The following MYRIP variants were observed in gnomAD, a reference collection of about 807,000 sequenced individuals.
MYRIP encodes myosin VIIA and Rab interacting protein, also known as rab effector MyRIP.
Under a neutral mutation model 98.0 loss-of-function variants are expected in MYRIP, and 49 were observed. The observed-to-expected ratio is 0.50, with a 90% CI of 0.40 to 0.63. The LOEUF (loss-of-function observed/expected upper bound fraction) is 0.63. Ranked by LOEUF, MYRIP falls within the 30% of genes least tolerant of loss-of-function variation. The pLI is 0.00. For synonymous variants in MYRIP, 404 were observed against 409.5 expected, an observed-to-expected ratio of 0.99 and a Z score of 0.16; for missense variants, 1,004 against 1,058.2, an observed-to-expected ratio of 0.95 and a Z score of 0.71.
chr3:40,210,249 T>G (rs1951888006), intron 11 of MYRIP, among the ~76,000 whole-genome samples, 156 bp downstream of exon 11: 1 of 152,202 alleles, frequency 6.6e-6, no homozygotes, highest in African/African-American at 2.4e-5. Context: ...AGAACCCTTC[T>G]TAACTTGCAC....
chr3:40,161,705 C>T (rs1950399194), intron 4 of MYRIP, among the ~76,000 whole-genome samples: 1 of 152,240 alleles, frequency 6.6e-6, no homozygotes, highest in Non-Finnish European at 1.5e-5. Flanking sequence ...CTGCCATCCT[C>T]TTTCTCACCG....
chr3:39,939,587 G>C (rs1193738567), intron 2 of MYRIP, among the ~76,000 whole-genome samples: 1 of 152,068 alleles, frequency 6.6e-6, no homozygotes, highest in East Asian at 1.9e-4. Context: ...CAGAATTTTT[G>C]TATCTGCAGA....
intron 13 of MYRIP, among the ~76,000 whole-genome samples, chr3:40,249,762 A>G (rs921028397): frequency 2.6e-5 from 4 of 152,192 alleles, no homozygotes; most frequent in Admixed American, 2.0e-4. Flanking sequence ...GATGGACTTG[A>G]ACCAGGGACC....
chr3:40,019,368 T>C (rs949674269), intron 2 of MYRIP, among the ~76,000 whole-genome samples: 1 of 152,116 alleles, frequency 6.6e-6, no homozygotes, highest in African/African-American at 2.4e-5. Flanking sequence ...CAAGGTGTCT[T>C]CTCTCCCTAC....
intron 2 of MYRIP, among the ~76,000 whole-genome samples, chr3:39,958,487 T>C (rs1397287579): frequency 6.6e-6 from 1 of 152,192 alleles, no homozygotes; most frequent in Non-Finnish European, 1.5e-5. Context: ...TGCAGAAAGC[T>C]GAAACTGGAT....
chr3:39,942,392 T>C (rs552389928), intron 2 of MYRIP, among the ~76,000 whole-genome samples: 3 of 152,284 alleles, frequency 2.0e-5, no homozygotes, highest in East Asian at 3.9e-4. Context: ...TAGGAAAGCA[T>C]TGATCCTTTA....
chr3:40,004,973 T>C (rs1946601550), intron 2 of MYRIP, among the ~76,000 whole-genome samples: 1 of 152,100 alleles, frequency 6.6e-6, no homozygotes, highest in South Asian at 2.1e-4. Context: ...CAGTGTCCCA[T>C]CTTCATGTCC....
chr3:40,038,483 T>C (rs939576386), intron 2 of MYRIP, among the ~76,000 whole-genome samples: 12 of 151,986 alleles, frequency 7.9e-5, no homozygotes, highest in Non-Finnish European at 1.6e-4. Flanking sequence ...ATTTTTAAAA[T>C]TAATGAAATA....
At chr3:40,148,188 G>A (rs1950048367) in intron 3 of MYRIP, among the ~76,000 whole-genome samples, 1 of 152,030 alleles carries the variant, frequency 6.6e-6, no homozygotes, top group African/African-American at 2.4e-5. Flanking sequence ...TTTTTTCTGT[G>A]TGAAGCCACT....
intron 2 of MYRIP, among the ~76,000 whole-genome samples, chr3:39,941,577 A>G (rs551920506): frequency 4.9e-4 from 74 of 151,954 alleles, no homozygotes; most frequent in African/African-American, 1.0e-3. Context: ...GGCATTCTAT[A>G]TATTCTATAC....
intron 4 of MYRIP, among the ~76,000 whole-genome samples, chr3:40,160,151 G>A (rs1019499990): frequency 6.6e-6 from 1 of 152,200 alleles, no homozygotes; most frequent in Non-Finnish European, 1.5e-5. Flanking sequence ...TTTGATGATG[G>A]TGATGTAGAG....
At chr3:39,833,978 A>G (rs9858240) in intron 1 of MYRIP, among the ~76,000 whole-genome samples, 37,817 of 152,182 alleles carry the variant, frequency 0.25, 4,831 homozygotes, top group South Asian at 0.32. Flanking sequence ...ACAGTGAGCC[A>G]AGATTGCACC....
Position 40,162,788 on chromosome 3 carries a change from A to G in MYRIP, c.528A>G (p.Ser176=). 6.2e-7 allele frequency: 1 copy of G among 1,614,070 alleles called. No homozygotes were observed. The highest frequency in any genetic ancestry group is 8.5e-7 in the Non-Finnish European group (1 of 1,179,944). ...ENEGSISGSD[S]TFYRQSEGHS... ...AAGGAAGCATTTCTGGCAGTGATTC[A>G]ACATTTTATAGGCAGTCAGAAGGTA... is the stretch of plus-strand genomic sequence containing the variant. Residue 176 remains serine, a synonymous_variant, in exon 5 of 17, where the codon TCA becomes TCG. Coordinates refer to ENST00000302541, the MANE Select transcript of MYRIP (RefSeq NM_015460.4).
At chr3:40,110,270 G>A (rs897182101) in intron 3 of MYRIP, among the ~76,000 whole-genome samples, 1 of 152,084 alleles carries the variant, frequency 6.6e-6, no homozygotes, top group African/African-American at 2.4e-5. Context: ...TTTATTTGCA[G>A]GTTACTTTGC....
At chr3:40,146,578 G>A (rs781574692) in intron 3 of MYRIP, among the ~76,000 whole-genome samples, 2 of 152,140 alleles carry the variant, frequency 1.3e-5, no homozygotes, top group Non-Finnish European at 2.9e-5. Context: ...TGTGGGAAGA[G>A]GGAGTTCATC....
intron 10 of MYRIP, among the ~76,000 whole-genome samples, chr3:40,208,081 G>A (rs551893997): frequency 5.9e-5 from 9 of 151,866 alleles, no homozygotes; most frequent in Non-Finnish European, 1.2e-4. Flanking sequence ...TCTTTCTTTA[G>A]CATAATTGGG....
At chr3:39,881,121 C>T (rs750314873) in intron 1 of MYRIP, among the ~76,000 whole-genome samples, 2 of 151,728 alleles carry the variant, frequency 1.3e-5, no homozygotes, top group Non-Finnish European at 2.9e-5. Context: ...ATTTAGCATC[C>T]TGTTTCTTTT....
rs79476954 is a variant in MYRIP, at chr3:39,869,202, G to T, written c.-30-31585G>T. On this transcript the variant is annotated intron_variant, in intron 1 of 16. Transcript: ENST00000302541. Reference sequence around the variant, plus strand: ...CTGAGTCTTCCATTAGAAATATTTCGGTGTGCTTGATGACCTTCCACAAGT... The same window carrying T: ...CTGAGTCTTCCATTAGAAATATTTCTGTGTGCTTGATGACCTTCCACAAGT... Among the ~76,000 whole-genome samples, 1,508 of 151,946 alleles carry T rather than the reference G, an allele frequency of 9.9e-3. 25 individuals are homozygous for T. The highest frequency in any genetic ancestry group is 0.035 in the African/African-American group (1,445 of 41,420).
At chr3:39,874,319 G>T (rs1027528457) in intron 1 of MYRIP, among the ~76,000 whole-genome samples, 1 of 151,796 alleles carries the variant, frequency 6.6e-6, no homozygotes, top group Non-Finnish European at 1.5e-5. Context: ...TTTCCTAATT[G>T]AATACCCTTT....
Sources: gnomAD v4.1 joint callset for allele counts (sites outside exome capture counted in the v4.1 genomes callset) on GRCh38, gnomAD v4.1.1 for gene constraint, MANE v1.5 for transcripts, NCBI Gene and HGNC (gene_info 2026-07-23, HGNC 2026-07-21) for gene names.